Variants in DYM observed in about 807,000 individuals in gnomAD.
DYM encodes the protein dyggve-Melchior-Clausen syndrome protein.
In DYM, 78 loss-of-function variants were observed where a neutral mutation model predicts 93.1. The ratio of observed to expected loss-of-function variants is 0.84; its 90% CI spans 0.70 to 1.01. The LOEUF is 1.01. Ranked by LOEUF, DYM falls within the 50% of genes least tolerant of loss-of-function variation. The pLI, the probability that DYM is intolerant of heterozygous loss-of-function variation, is 0.00. For synonymous variants in DYM, 321 were observed against 319.7 expected (o/e 1.00, Z -0.04); for missense variants, 789 against 845.0 (o/e 0.93, Z 0.82).
chr18:49,276,726 G>C (rs558529395), intron 10 of DYM, among the ~76,000 whole-genome samples: 4 of 152,150 alleles, frequency 2.6e-5, no homozygotes, highest in Non-Finnish European at 4.4e-5. Context: ...TTAAGAGTAA[G>C]AGCTTTAACC....
Position 49,435,207 on chromosome 18 carries a change from CAAA to C in DYM, c.-53-4763_-53-4761del, listed in dbSNP as rs150003482. The stretch of plus-strand genomic sequence containing the variant: ...TGGGGAACAGACCATGACTCCATCT[CAAA>C]AAAAAAAAAAAAAAAAAAGAAGTGA... On this transcript the variant is annotated intron_variant, in intron 1 of 17. Transcript: ENST00000675505. 3.5e-3 allele frequency among the ~76,000 whole-genome samples: 308 copies of C among 88,738 alleles called. 3 individuals carry two copies. Among genetic ancestry groups the C allele is most frequent in the South Asian group, 0.017 (47 of 2,732 alleles). The allele number at this position is 88,738 out of a possible 152,430, so 58.2% of individuals were successfully genotyped here.
intron 14 of DYM, among the ~76,000 whole-genome samples, chr18:49,184,235 C>CA: frequency 1.0e-5 from 1 of 97,550 alleles, no homozygotes; most frequent in South Asian, 3.0e-4. Flanking sequence ...AAACAAAAAA[C>CA]AAAATTTTTT....
At chr18:49,421,652 CTT>C (rs1341651502) in intron 2 of DYM, among the ~76,000 whole-genome samples, 2 of 152,218 alleles carry the variant, frequency 1.3e-5, no homozygotes, top group Non-Finnish European at 2.9e-5. Flanking sequence ...CGGAGAATGA[CTT>C]TGACGAGTGG....
In DYM at chr18:49,282,215, T is replaced by A. The variant is rs372651969; in HGVS notation, c.947-40A>T. On this transcript the variant is annotated intron_variant, in intron 9 of 17. Transcript: ENST00000675505. ...ACAGCACATCAGTAATTTCTAGCTGTGCTTTATATAAATAAAAATATTGTT... is the reference window on the plus strand; with the variant it reads ...ACAGCACATCAGTAATTTCTAGCTGAGCTTTATATAAATAAAAATATTGTT... 2.3e-4 allele frequency: 361 copies of A among 1,546,468 alleles called. 4 individuals carry two copies. In the South Asian group the frequency reaches 3.8e-3, roughly 16 times the overall value.
chr18:49,236,705 C>T (rs1490450683), intron 13 of DYM, among the ~76,000 whole-genome samples: 1 of 152,074 alleles, frequency 6.6e-6, no homozygotes, highest in African/African-American at 2.4e-5. Flanking sequence ...AAAATAACAA[C>T]GTAAGTAAAT....
chr18:49,395,483 G>A (rs2069947273), intron 2 of DYM, among the ~76,000 whole-genome samples: 1 of 151,950 alleles, frequency 6.6e-6, no homozygotes, highest in African/African-American at 2.4e-5. Flanking sequence ...TACAAAATAA[G>A]CCAGGTGTGG....
At chr18:49,184,150 T>C (rs1185647745) in intron 14 of DYM, among the ~76,000 whole-genome samples, 1 of 152,114 alleles carries the variant, frequency 6.6e-6, no homozygotes, top group African/African-American at 2.4e-5. Context: ...AGGCAGTTCC[T>C]CTCTTCCCAC....
Position 49,420,816 on chromosome 18 carries a change from T to C in DYM, c.140+9439A>G, listed in dbSNP as rs143619445. Among the ~76,000 whole-genome samples, 7 of 152,260 alleles carry C rather than the reference T, an allele frequency of 4.6e-5. No homozygotes were observed. The East Asian group carries it at 1.4e-3, about 29-fold the overall frequency. On this transcript the variant is annotated intron_variant, in intron 2 of 17. Coordinates refer to ENST00000675505, the MANE Select transcript of DYM (RefSeq NM_001353214.3). Reference sequence around the variant, plus strand: ...GAAAATCAGGTCACTCCCACCCTAATACTGCCCTTTTCCAACAATCTTAGC... The same window carrying C: ...GAAAATCAGGTCACTCCCACCCTAACACTGCCCTTTTCCAACAATCTTAGC...
At chr18:49,355,749 T>C (rs2065506257) in intron 6 of DYM, among the ~76,000 whole-genome samples, 1 of 152,194 alleles carries the variant, frequency 6.6e-6, no homozygotes, top group Admixed American at 6.5e-5. Context: ...TTTAATTCTG[T>C]ACTTTCTGCT....
At chr18:49,245,959 G>A (rs1328130906) in intron 13 of DYM, among the ~76,000 whole-genome samples, 1 of 152,096 alleles carries the variant, frequency 6.6e-6, no homozygotes, top group East Asian at 1.9e-4. Context: ...AAATATTGGG[G>A]GCTGGTTCCC....
At position 49,249,560 on chromosome 18, in the gene DYM, GTCTT is replaced by G. The variant is rs1489416976; in HGVS notation, c.1460+7446_1460+7449del. On this transcript the variant is annotated intron_variant, in intron 13 of 17. Transcript: ENST00000675505. The stretch of plus-strand genomic sequence containing the variant: ...TTTAAATGAAGGCTGGGGGCAAATT[GTCTT>G]TCTTTCTTTAATTCCATGAGCCTGA... Among the ~76,000 whole-genome samples the G allele has an allele frequency of 7.9e-5, 12 of 152,238 alleles. No individual in the cohort carries two copies. In the East Asian group the frequency reaches 2.1e-3, roughly 27 times the overall value.
In DYM at chr18:49,391,632, G is replaced by T; in HGVS notation, c.154C>A (p.Leu52Ile). 6.2e-7 allele frequency: 1 copy of T among 1,613,230 alleles called. No individual in the cohort carries two copies. Among genetic ancestry groups the T allele is most frequent in the Admixed American group, 1.7e-5 (1 of 59,972 alleles). ...ACTGAAATGGTTGCTTCCTCCAAGA[G>T]TTTCAACTCACTACTGGAGAGACAG... ...PAPTSSSELK[L>I]LEEATISVCR... The change falls in exon 3 of 18, where the codon CTC becomes ATC. Residue 52 changes from leucine (L) to isoleucine (I), a missense_variant. Physicochemically the swap from Leu to Ile is conservative, Grantham distance 5. Around this residue, in one of 3 missense-constraint regions of DYM, gnomAD observed 450 missense variants for 436.2 expected, o/e 1.03. Transcript: ENST00000675505.
At chr18:49,212,265 A>AT (rs1326654110) in intron 13 of DYM, among the ~76,000 whole-genome samples, 2 of 152,166 alleles carry the variant, frequency 1.3e-5, no homozygotes, top group African/African-American at 4.8e-5. Flanking sequence ...GAAAAAAGGC[A>AT]TTTTTTACTT....
intron 8 of DYM, among the ~76,000 whole-genome samples, chr18:49,329,050 A>C (rs1486620632): frequency 1.3e-5 from 2 of 152,116 alleles, no homozygotes; most frequent in African/African-American, 4.8e-5. Context: ...TCCATCAGTG[A>C]TAGACTGGAT....
At chr18:49,459,903 C>T (rs1734796202) in intron 1 of DYM, among the ~76,000 whole-genome samples, 2 of 141,718 alleles carry the variant, frequency 1.4e-5, no homozygotes, top group Non-Finnish European at 3.0e-5. Context: ...CTAATGGGTA[C>T]GAGCTTCTTT....
chr18:49,128,866 T>C (rs2055804709), intron 15 of DYM, among the ~76,000 whole-genome samples: 1 of 152,112 alleles, frequency 6.6e-6, no homozygotes, highest in African/African-American at 2.4e-5. Flanking sequence ...TGCACAAAGT[T>C]AAGTTTCAAA....
intron 10 of DYM, among the ~76,000 whole-genome samples, chr18:49,276,801 C>T (rs915460511): frequency 1.3e-5 from 2 of 151,950 alleles, no homozygotes; most frequent in African/African-American, 4.8e-5. Context: ...AGATTTGACT[C>T]TAATATACTC....
intron 8 of DYM, among the ~76,000 whole-genome samples, chr18:49,286,848 C>A (rs754710739): frequency 6.6e-6 from 1 of 151,890 alleles, no homozygotes; most frequent in Non-Finnish European, 1.5e-5. Context: ...GATTAGGTAA[C>A]CTAAATTTTG....
rs372355980 is a variant in DYM, at chr18:49,286,953, G to C, written c.764-337C>G. 1.1e-4 allele frequency among the ~76,000 whole-genome samples: 17 copies of C among 152,302 alleles called. 1 individual carries two copies. The highest frequency in any genetic ancestry group is 3.8e-4 in the African/African-American group (16 of 41,566). On this transcript the variant is annotated intron_variant, in intron 8 of 17. Transcript: ENST00000675505. Reference sequence around the variant, plus strand: ...CACACCTGTAATCCCAGCACTTTGAGAGGCCAAGGCAGGTGGACCAAGAGG... The same window carrying C: ...CACACCTGTAATCCCAGCACTTTGACAGGCCAAGGCAGGTGGACCAAGAGG...
Sources: allele counts gnomAD v4.1 joint callset (sites outside exome capture counted in the v4.1 genomes callset), GRCh38; gene constraint gnomAD v4.1.1; regional missense constraint gnomAD v4.1.1; transcripts MANE v1.5; gene names NCBI Gene and HGNC (gene_info 2026-07-23, HGNC 2026-07-21).